Variants in PTPN9 observed in about 807,000 individuals in gnomAD.
PTPN9 encodes the protein protein tyrosine phosphatase non-receptor type 9.
In PTPN9, 26 loss-of-function variants were observed where a neutral mutation model predicts 69.8. The observed-to-expected ratio is 0.37, with a 90% CI of 0.27 to 0.52. The LOEUF (loss-of-function observed/expected upper bound fraction) is 0.52. PTPN9 is among the 20% of genes least tolerant of loss of function. The pLI, the probability that PTPN9 is intolerant of heterozygous loss-of-function variation, is 0.91. For synonymous variants in PTPN9, 274 were observed against 272.5 expected, an observed-to-expected ratio of 1.01 and a Z score of -0.05; for missense variants, 549 against 740.3, an observed-to-expected ratio of 0.74 and a Z score of 3.00.
chr15:75,523,227 C>T lies in PTPN9; in HGVS notation c.316G>A (p.Gly106Arg), dbSNP rs2074912865. 1.2e-6 allele frequency: 2 copies of T among 1,613,846 alleles called. No individual in the cohort carries two copies. The highest frequency in any genetic ancestry group is 2.7e-5 in the African/African-American group (2 of 74,880). The change falls in exon 4 of 13, where the codon GGA becomes AGA. Residue 106 changes from glycine to arginine, a missense_variant. Transcript: ENST00000618819. ...GCAGTAAAGAGGGCAATGGAGGCTC[C>T]TGTTGGGTCCCGAACATTCTAAAGC... ...FTILNVRDPT[G>R]ASIALFTARL...
At chr15:75,504,688 T>TG (rs1218216741) in intron 7 of PTPN9, among the ~76,000 whole-genome samples, 5,069 of 118,532 alleles carry the variant, frequency 0.043, 226 homozygotes, top group Non-Finnish European at 0.054. Flanking sequence ...GGGAGGGAGG[T>TG]GGGGGGGTCA....
chr15:75,491,861 A>G (rs1438686698), intron 7 of PTPN9, among the ~76,000 whole-genome samples: 1 of 152,158 alleles, frequency 6.6e-6, no homozygotes, highest in African/African-American at 2.4e-5. Flanking sequence ...TCTACTACTT[A>G]TTTGTCAAAA....
At chr15:75,472,363 G>A (rs528700790) in intron 10 of PTPN9, among the ~76,000 whole-genome samples, 1 of 152,192 alleles carries the variant, frequency 6.6e-6, no homozygotes, top group Admixed American at 6.5e-5. Flanking sequence ...GGAGGCTGAG[G>A]CAGGAGAATG....
chr15:75,471,873 C>A (rs2074567896), intron 10 of PTPN9, among the ~76,000 whole-genome samples: 1 of 151,564 alleles, frequency 6.6e-6, no homozygotes, highest in African/African-American at 2.4e-5. Flanking sequence ...GATCGCACCA[C>A]TTAAGGTTGC....
intron 1 of PTPN9, among the ~76,000 whole-genome samples, chr15:75,566,611 G>A (rs1335027698): frequency 2.6e-5 from 4 of 151,972 alleles, no homozygotes; most frequent in African/African-American, 9.7e-5. Flanking sequence ...GCCAGGAGGC[G>A]GAGGTTGCAG....
intron 1 of PTPN9, among the ~76,000 whole-genome samples, chr15:75,561,900 G>T (rs998633037): frequency 2.6e-5 from 4 of 152,052 alleles, no homozygotes; most frequent in African/African-American, 9.7e-5. Flanking sequence ...GTGAGATGGG[G>T]TTTCTCCATG....
intron 4 of PTPN9, among the ~76,000 whole-genome samples, chr15:75,519,258 A>G (rs7180574): frequency 0.34 from 52,022 of 152,002 alleles, 10,195 homozygotes; most frequent in African/African-American, 0.53. Flanking sequence ...ACAGGTGCCC[A>G]CCACCACACT....
intron 5 of PTPN9, among the ~76,000 whole-genome samples, chr15:75,515,781 C>G (rs1353535449): frequency 6.6e-6 from 1 of 151,978 alleles, no homozygotes; most frequent in Non-Finnish European, 1.5e-5. Flanking sequence ...GCCTATAATC[C>G]CAGCTATTCA....
chr15:75,480,769 C>G (rs997364284), intron 8 of PTPN9: 316 of 1,167,090 alleles, frequency 2.7e-4, no homozygotes, highest in Middle Eastern at 1.4e-3. Context: ...GCCGCGCCGG[C>G]GAGCGCCGCC....
chr15:75,475,577 C>T (rs1475374689), intron 9 of PTPN9, among the ~76,000 whole-genome samples: 1 of 151,960 alleles, frequency 6.6e-6, no homozygotes, highest in Non-Finnish European at 1.5e-5. Context: ...GACAGCAAGA[C>T]TCCATCTCAA....
At chr15:75,495,859 C>T (rs2074738001) in intron 7 of PTPN9, among the ~76,000 whole-genome samples, 1 of 152,066 alleles carries the variant, frequency 6.6e-6, no homozygotes, top group Non-Finnish European at 1.5e-5. Flanking sequence ...ATCATTAGGC[C>T]AGGTGTAGTG....
chr15:75,470,890 C>G, intron 10 of PTPN9, 60 bp from the exon 11 acceptor site: 1 of 1,576,928 alleles, frequency 6.3e-7, no homozygotes, highest in East Asian at 2.2e-5. Context: ...AGTAACCTGG[C>G]TTCCCCAAAG....
At chr15:75,500,095 C>A (rs1346338832) in intron 7 of PTPN9, among the ~76,000 whole-genome samples, 1 of 152,092 alleles carries the variant, frequency 6.6e-6, no homozygotes, top group Admixed American at 6.6e-5. Flanking sequence ...GGACGAATCA[C>A]CCGAGGTCAG....
intron 1 of PTPN9, among the ~76,000 whole-genome samples, chr15:75,567,371 TATC>T (rs963742377): frequency 5.9e-5 from 9 of 152,148 alleles, no homozygotes; most frequent in Middle Eastern, 3.2e-3. Context: ...ATATAATGAA[TATC>T]ATCATATTAT....
chr15:75,470,031 G>A, intron 11 of PTPN9, 32 bp from the exon 12 acceptor site: 2 of 1,562,042 alleles, frequency 1.3e-6, no homozygotes, highest in South Asian at 1.1e-5. Flanking sequence ...ACGTTAACAA[G>A]GTTATTTCTG....
At chr15:75,483,540 G>A (rs535800347) in intron 8 of PTPN9, among the ~76,000 whole-genome samples, 33 of 152,316 alleles carry the variant, frequency 2.2e-4, no homozygotes, top group African/African-American at 7.7e-4. Flanking sequence ...ATAAATCAGA[G>A]TGGGTTAGAG....
chr15:75,562,424 A>G (rs542659829), intron 1 of PTPN9, among the ~76,000 whole-genome samples: 1 of 152,304 alleles, frequency 6.6e-6, no homozygotes, highest in East Asian at 1.9e-4. Flanking sequence ...TGTGTCATAC[A>G]CGAACATACA....
chr15:75,495,729 A>C (rs2074737055), intron 7 of PTPN9, among the ~76,000 whole-genome samples: 2 of 151,990 alleles, frequency 1.3e-5, no homozygotes, highest in Non-Finnish European at 2.9e-5. Flanking sequence ...AACAAAACAA[A>C]ACAACAACAA....
chr15:75,566,154 C>T (rs531495150), intron 1 of PTPN9, among the ~76,000 whole-genome samples: 1 of 151,626 alleles, frequency 6.6e-6, no homozygotes, highest in Non-Finnish European at 1.5e-5. Flanking sequence ...GATTCAGGAA[C>T]GTTAAATAAA....
Sources: gnomAD v4.1 joint callset for allele counts (sites outside exome capture counted in the v4.1 genomes callset) on GRCh38, gnomAD v4.1.1 for gene constraint, MANE v1.5 for transcripts, NCBI Gene and HGNC (gene_info 2026-07-23, HGNC 2026-07-21) for gene names.